Variants in CHD9 observed in about 807,000 individuals in gnomAD.
CHD9 encodes the protein chromodomain helicase DNA binding protein 9, also known as ATP-dependent chromatin remodeler CHD9.
Under a neutral mutation model 316.1 loss-of-function variants are expected in CHD9, and 77 were observed. That is an observed-to-expected ratio of 0.24 (90% CI 0.20 to 0.29). The LOEUF is 0.29. Ranked by LOEUF, CHD9 falls within the 10% of genes least tolerant of loss-of-function variation. CHD9 has a pLI of 1.00. For missense variants in CHD9, 2,763 were observed against 3,438.1 expected (o/e 0.80, Z 4.91); for synonymous variants, 1,129 against 1,158.3 (o/e 0.97, Z 0.51).
chr16:53,209,546 G>A lies in CHD9; in HGVS notation c.1517G>A (p.Arg506Lys), dbSNP rs2046162899. The change falls in exon 3 of 39, where the codon AGG becomes AAG. Residue 506 changes from arginine (R) to lysine (K), a missense_variant. By Grantham distance (26) the Arg-to-Lys change is conservative. Around this residue, in one of 15 missense-constraint regions of CHD9, gnomAD observed 859 missense variants for 890.4 expected, o/e 0.96. Coordinates refer to ENST00000447540, the MANE Select transcript of CHD9 (RefSeq NM_001308319.2). ...ACTAAGTTGCAGAATACCCAGGTGA[G>A]GGTCATGTCTGAGAAGAAGCAGAGA... ...TYTKLQNTQV[R>K]VMSEKKQRKK... is the part of the protein sequence containing the mutation. The A allele has an allele frequency of 1.2e-6, 2 of 1,613,698 alleles. No individual in the cohort carries two copies. Among genetic ancestry groups the A allele is most frequent in the African/African-American group, 1.3e-5 (1 of 74,916 alleles).
intron 1 of CHD9, among the ~76,000 whole-genome samples, chr16:53,134,415 A>G (rs2152690452): frequency 6.6e-6 from 1 of 152,334 alleles, no homozygotes; most frequent in South Asian, 2.1e-4. Flanking sequence ...CCAGTTTTAT[A>G]ACTGTTCCCT....
chr16:53,188,704 T>C (rs1421238125), intron 2 of CHD9, among the ~76,000 whole-genome samples: 1 of 149,086 alleles, frequency 6.7e-6, no homozygotes, highest in African/African-American at 2.5e-5. Flanking sequence ...AAGCAGTTCT[T>C]CTGCCTCAGC....
chr16:53,311,661 T>A (rs1020039098), intron 34 of CHD9: 1 of 152,146 alleles, frequency 6.6e-6, no homozygotes, highest in Non-Finnish European at 1.5e-5. Flanking sequence ...GAGAGTAAAA[T>A]AGCATAGATT....
intron 24 of CHD9, among the ~76,000 whole-genome samples, chr16:53,275,209 G>T (rs182540052): frequency 6.6e-6 from 1 of 151,854 alleles, no homozygotes; most frequent in African/African-American, 2.4e-5. Context: ...TGTATTTTTA[G>T]TAGAGACGAG....
intron 1 of CHD9, among the ~76,000 whole-genome samples, chr16:53,066,787 T>C (rs1423134556): frequency 6.6e-6 from 1 of 152,164 alleles, no homozygotes; most frequent in African/African-American, 2.4e-5. Context: ...ATTACACCTG[T>C]GTCAATGCAT....
At chr16:53,283,068 C>CA (rs763729660) in intron 24 of CHD9, among the ~76,000 whole-genome samples, 17 of 152,112 alleles carry the variant, frequency 1.1e-4, no homozygotes, top group Non-Finnish European at 2.5e-4. Flanking sequence ...CTCTTCTCTC[C>CA]AGGCCTTTGC....
At chr16:53,184,572 TG>T (rs1159688086) in intron 2 of CHD9, among the ~76,000 whole-genome samples, 1 of 152,162 alleles carries the variant, frequency 6.6e-6, no homozygotes, top group East Asian at 1.9e-4. Flanking sequence ...CTTGAACTCC[TG>T]GGCTCAAGTG....
At chr16:53,066,069 G>A (rs956689126) in intron 1 of CHD9, among the ~76,000 whole-genome samples, 3 of 152,126 alleles carry the variant, frequency 2.0e-5, no homozygotes, top group Non-Finnish European at 4.4e-5. Flanking sequence ...CAATCAACAG[G>A]CAATTTGCTG....
At chr16:53,154,167 T>C (rs1213910460) in intron 1 of CHD9, among the ~76,000 whole-genome samples, 2 of 152,220 alleles carry the variant, frequency 1.3e-5, no homozygotes, top group Non-Finnish European at 2.9e-5. Context: ...CTCAAAAGTA[T>C]CTGGGCTTCC....
chr16:53,308,263 T>A (rs1426739734), intron 33 of CHD9, among the ~76,000 whole-genome samples: 2 of 152,252 alleles, frequency 1.3e-5, no homozygotes, highest in Non-Finnish European at 2.9e-5. Context: ...GTGTACTTTC[T>A]GTTTTAAACA....
rs1366910149 is a variant in CHD9, at chr16:53,147,421, C to A, written c.-164-8505C>A. ...GTATACAGCGCAGTGGCATCAACAT[C>A]ATTCACAATGTTGTACAACCATCAC... On this transcript the variant is annotated intron_variant, in intron 1 of 38. Transcript: ENST00000447540. 3.3e-5 allele frequency among the ~76,000 whole-genome samples: 5 copies of A among 152,336 alleles called. No homozygotes were observed. The East Asian group carries it at 9.6e-4, about 29-fold the overall frequency.
chr16:53,298,681 C>G (rs1288412703), intron 30 of CHD9: 2 of 152,458 alleles, frequency 1.3e-5, no homozygotes, highest in African/African-American at 4.8e-5. Context: ...AAGCTACTCA[C>G]CAAACATATG....
intron 2 of CHD9, among the ~76,000 whole-genome samples, chr16:53,165,457 C>G (rs2042210211): frequency 6.6e-6 from 1 of 152,100 alleles, no homozygotes; most frequent in Admixed American, 6.6e-5. Context: ...TTACATGGAT[C>G]TTTTCATTTC....
intron 16 of CHD9, among the ~76,000 whole-genome samples, chr16:53,248,700 T>C (rs1427767594): frequency 2.0e-5 from 3 of 151,790 alleles, no homozygotes; most frequent in Non-Finnish European, 4.4e-5. Flanking sequence ...TAATTTATTT[T>C]GGGTAGAGAC....
chr16:53,075,800 T>C (rs1432325621), intron 1 of CHD9, among the ~76,000 whole-genome samples: 2 of 152,182 alleles, frequency 1.3e-5, no homozygotes, highest in Non-Finnish European at 2.9e-5. Flanking sequence ...GACTAATACA[T>C]ATGGTAATTT....
At chr16:53,168,457 ATTAT>A (rs2042431092) in intron 2 of CHD9, 1 of 152,154 alleles carries the variant, frequency 6.6e-6, no homozygotes, top group Non-Finnish European at 1.5e-5. Context: ...AAAAGTTGGT[ATTAT>A]TTCATGGAAT....
intron 11 of CHD9, among the ~76,000 whole-genome samples, chr16:53,236,013 T>C (rs2048587685): frequency 1.3e-5 from 2 of 152,194 alleles, no homozygotes; most frequent in Admixed American, 1.3e-4. Flanking sequence ...GTGAGTCTTC[T>C]GAATTGTTAT....
chr16:53,244,415 A>G (rs2049384652), intron 13 of CHD9, among the ~76,000 whole-genome samples: 1 of 151,906 alleles, frequency 6.6e-6, no homozygotes, highest in Non-Finnish European at 1.5e-5. Flanking sequence ...GATGGTCTTG[A>G]TCTCCGACCT....
At chr16:53,179,098 T>C (rs2152802144) in intron 2 of CHD9, among the ~76,000 whole-genome samples, 1 of 152,360 alleles carries the variant, frequency 6.6e-6, no homozygotes, top group Middle Eastern at 3.4e-3. Context: ...GTTAAGATTT[T>C]GCCGTATTTG....
Sources: allele counts gnomAD v4.1 joint callset (sites outside exome capture counted in the v4.1 genomes callset), GRCh38; gene constraint gnomAD v4.1.1; regional missense constraint gnomAD v4.1.1; transcripts MANE v1.5; gene names NCBI Gene and HGNC (gene_info 2026-07-23, HGNC 2026-07-21).